The following PTPRM variants were observed in gnomAD, a reference collection of about 807,000 sequenced individuals.
PTPRM encodes protein tyrosine phosphatase receptor type M, also known as receptor-type tyrosine-protein phosphatase mu.
In PTPRM, 47 loss-of-function variants were observed where a neutral mutation model predicts 186.7. The observed-to-expected ratio is 0.25, with a 90% CI of 0.20 to 0.32. The LOEUF is 0.32. PTPRM is among the 10% of genes least tolerant of loss of function. The pLI, the probability that PTPRM is intolerant of heterozygous loss-of-function variation, is 1.00. For missense variants in PTPRM, 1,494 were observed against 1,865.0 expected, an observed-to-expected ratio of 0.80 and a Z score of 3.66; for synonymous variants, 668 against 674.9, an observed-to-expected ratio of 0.99 and a Z score of 0.16.
At chr18:8,081,522 A>G (rs1433146691) in intron 9 of PTPRM, among the ~76,000 whole-genome samples, 3 of 152,198 alleles carry the variant, frequency 2.0e-5, no homozygotes, top group Non-Finnish European at 2.9e-5. Flanking sequence ...CTTAATAAGC[A>G]TGTATTGAAT....
intron 19 of PTPRM, among the ~76,000 whole-genome samples, chr18:8,286,831 T>C (rs1040648232): frequency 2.0e-5 from 3 of 152,184 alleles, no homozygotes; most frequent in African/African-American, 7.2e-5. Flanking sequence ...TTAGTTACCA[T>C]GACTTAAGTA....
intron 7 of PTPRM, among the ~76,000 whole-genome samples, chr18:8,007,266 A>T (rs965572030): frequency 6.6e-6 from 1 of 152,178 alleles, no homozygotes; most frequent in African/African-American, 2.4e-5. Flanking sequence ...TTCTCAAAAC[A>T]CTTGGTACCT....
chr18:7,598,324 A>C (rs1314830098), intron 1 of PTPRM, among the ~76,000 whole-genome samples: 1 of 152,216 alleles, frequency 6.6e-6, no homozygotes, highest in Non-Finnish European at 1.5e-5. Flanking sequence ...CTGAAATCTG[A>C]CTTAAGTGCT....
intron 1 of PTPRM, among the ~76,000 whole-genome samples, chr18:7,572,833 T>C (rs1468678750): frequency 1.3e-5 from 2 of 152,234 alleles, no homozygotes; most frequent in African/African-American, 2.4e-5. Context: ...TAATTATTAA[T>C]GTCTTTCCAA....
chr18:7,881,750 T>C (rs560244118), intron 2 of PTPRM, among the ~76,000 whole-genome samples: 10 of 152,298 alleles, frequency 6.6e-5, no homozygotes, highest in Admixed American at 3.9e-4. Flanking sequence ...GGTGATTCCA[T>C]GTGCCGTGGC....
In PTPRM at chr18:7,978,528, G is replaced by A. The variant is rs146085825; in HGVS notation, c.1132+23114G>A. On this transcript the variant is annotated intron_variant, in intron 7 of 32. Coordinates refer to ENST00000580170, the MANE Select transcript of PTPRM (RefSeq NM_001105244.2). ...TATCTAGACTTAGTGAAGTGGTCAC[G>A]TTAATTATTTTGTCTGCAAGTAAGC... Among the ~76,000 whole-genome samples the A allele has an allele frequency of 2.5e-3, 377 of 152,234 alleles. 1 individual carries two copies. Among genetic ancestry groups the A allele is most frequent in the African/African-American group, 8.8e-3 (366 of 41,544 alleles).
chr18:8,154,432 T>A (rs955167470), intron 14 of PTPRM: 21 of 152,178 alleles, frequency 1.4e-4, no homozygotes, highest in African/African-American at 5.1e-4. Flanking sequence ...TGAAACAAAT[T>A]CATTCATTCC....
intron 2 of PTPRM, among the ~76,000 whole-genome samples, chr18:7,838,242 C>T (rs1052268581): frequency 1.3e-5 from 2 of 152,116 alleles, no homozygotes; most frequent in Admixed American, 6.5e-5. Flanking sequence ...GGGGAAAAGT[C>T]CTTTATGAAA....
intron 2 of PTPRM, among the ~76,000 whole-genome samples, chr18:7,825,902 G>A (rs2045459554): frequency 6.6e-6 from 1 of 152,164 alleles, no homozygotes; most frequent in Non-Finnish European, 1.5e-5. Context: ...TGTTTCCTGT[G>A]TGCCTGGCAT....
chr18:8,272,772 A>G lies in PTPRM; in HGVS notation c.2754+19358A>G, dbSNP rs551142383. On this transcript the variant is annotated intron_variant, in intron 19 of 32. Transcript: ENST00000580170. The stretch of plus-strand genomic sequence containing the variant: ...AACAATGTTGAGCACAGTGTTTTAT[A>G]TATTTTTTAGATCAAGCTTTTGTTC... Among the ~76,000 whole-genome samples the G allele has an allele frequency of 1.6e-4, 24 of 152,226 alleles. No homozygotes were observed. The South Asian group carries it at 3.1e-3, about 20-fold the overall frequency.
At chr18:8,182,918 T>C (rs555687358) in intron 14 of PTPRM, among the ~76,000 whole-genome samples, 1 of 152,220 alleles carries the variant, frequency 6.6e-6, no homozygotes, top group South Asian at 2.1e-4. Context: ...TCAGTCTGTC[T>C]CCCTGTTGGA....
At chr18:7,954,434 G>A (rs1001461880) in intron 6 of PTPRM, among the ~76,000 whole-genome samples, 1 of 152,162 alleles carries the variant, frequency 6.6e-6, no homozygotes, top group African/African-American at 2.4e-5. Flanking sequence ...AATCCATTGT[G>A]ATAGTTATTT....
chr18:8,105,934 T>C (rs2091496264), intron 11 of PTPRM, among the ~76,000 whole-genome samples: 1 of 151,844 alleles, frequency 6.6e-6, no homozygotes, highest in Non-Finnish European at 1.5e-5. Flanking sequence ...CGACAGAGAG[T>C]AGTTCCAAGT....
chr18:7,674,461 G>C (rs569072280), intron 1 of PTPRM, among the ~76,000 whole-genome samples: 1 of 152,244 alleles, frequency 6.6e-6, no homozygotes, highest in African/African-American at 2.4e-5. Flanking sequence ...GGTGTGATGG[G>C]GAAGCATGTT....
intron 7 of PTPRM, among the ~76,000 whole-genome samples, chr18:8,029,223 C>T (rs140851294): frequency 0.02 from 3,025 of 150,822 alleles, 45 homozygotes; most frequent in Non-Finnish European, 0.028. Flanking sequence ...GCCTGGAGTG[C>T]CCCTCCCCCA....
chr18:8,358,511 C>A (rs1351193569), intron 23 of PTPRM, among the ~76,000 whole-genome samples: 2 of 152,188 alleles, frequency 1.3e-5, no homozygotes, highest in Non-Finnish European at 1.5e-5. Context: ...TGTTAGAAAC[C>A]TTAACCCCTT....
chr18:8,302,213 G>GA (rs1158163480), intron 20 of PTPRM, among the ~76,000 whole-genome samples: 2 of 152,210 alleles, frequency 1.3e-5, no homozygotes, highest in Non-Finnish European at 2.9e-5. Context: ...GGAGGTATGG[G>GA]AAGGCCTCCC....
Position 7,926,600 on chromosome 18 carries a change from G to A in PTPRM, c.580G>A (p.Val194Met). The A allele has an allele frequency of 6.2e-7, 1 of 1,613,632 alleles. No homozygotes were observed. The highest frequency in any genetic ancestry group is 2.2e-5 in the East Asian group (1 of 44,854). ...TCCTCACTTCCTGCGGATTCAGAAT[G>A]TGGAAGTTAATGCTGGCCAGTTTGC... ...RTPHFLRIQN[V>M]EVNAGQFATF... The change falls in exon 5 of 33, where the codon GTG (valine) becomes ATG (methionine). Residue 194 changes from valine to methionine, a missense_variant. Coordinates refer to ENST00000580170, the MANE Select transcript of PTPRM (RefSeq NM_001105244.2).
At chr18:7,863,306 C>A (rs1411596278) in intron 2 of PTPRM, among the ~76,000 whole-genome samples, 1 of 152,012 alleles carries the variant, frequency 6.6e-6, no homozygotes, top group Non-Finnish European at 1.5e-5. Flanking sequence ...GCCCATCAAG[C>A]CATCATCTAC....
Sources: gnomAD v4.1 joint callset for allele counts (sites outside exome capture counted in the v4.1 genomes callset) on GRCh38, gnomAD v4.1.1 for gene constraint, MANE v1.5 for transcripts, NCBI Gene and HGNC (gene_info 2026-07-23, HGNC 2026-07-21) for gene names.